The following CDH4 variants were observed in gnomAD, a reference collection of about 807,000 sequenced individuals.
CDH4 encodes cadherin-4.
In CDH4, 33 loss-of-function variants were observed where a neutral mutation model predicts 86.0. The observed-to-expected ratio is 0.38, with a 90% CI of 0.29 to 0.51. The LOEUF is 0.51. Among genes scored for constraint, CDH4 ranks in the 20% least tolerant of loss-of-function variants. The pLI, the probability that CDH4 is intolerant of heterozygous loss-of-function variation, is 0.86. For missense variants in CDH4, 1,114 were observed against 1,307.4 expected, an observed-to-expected ratio of 0.85 and a Z score of 2.28; for synonymous variants, 555 against 549.4, an observed-to-expected ratio of 1.01 and a Z score of -0.14.
At chr20:61,917,652 C>T (rs1162814556) in intron 9 of CDH4, among the ~76,000 whole-genome samples, 1 of 152,166 alleles carries the variant, frequency 6.6e-6, no homozygotes, top group East Asian at 1.9e-4. Flanking sequence ...TGGTCCTGCC[C>T]ACTCCGCCCA....
rs1007246536 is a variant in CDH4 at position 61,684,148 on chromosome 20, C to T, written c.170-59415C>T. On this transcript the variant is annotated intron_variant, in intron 2 of 15. Coordinates refer to ENST00000614565, the MANE Select transcript of CDH4 (RefSeq NM_001794.5). The surrounding 1 kb of genome is among the most constrained non-coding windows in gnomAD (Gnocchi z 4.5). ...AGTGGCATCGGACAAAGCCTCTGCC[C>T]TCTGGATGCCAAACATTCTAGAAAC... Among the ~76,000 whole-genome samples, 1 of 152,220 alleles carries T rather than the reference C, an allele frequency of 6.6e-6. No homozygotes were observed. The highest frequency in any genetic ancestry group is 1.5e-5 in the Non-Finnish European group (1 of 68,046).
chr20:61,450,545 C>T lies in CDH4; in HGVS notation c.169+195608C>T, dbSNP rs142990772. Among the ~76,000 whole-genome samples the T allele has an allele frequency of 5.6e-3, 846 of 152,218 alleles. 12 individuals carry two copies. In the South Asian group the frequency reaches 0.056, roughly 10 times the overall value. On this transcript the variant is annotated intron_variant, in intron 2 of 15. Coordinates refer to ENST00000614565, the MANE Select transcript of CDH4 (RefSeq NM_001794.5). Reference sequence around the variant, plus strand: ...GATTTATTAAGGAAGACTTCAGATGCGAACGGCTGCTTTGATATTGAAATA... The same window carrying T: ...GATTTATTAAGGAAGACTTCAGATGTGAACGGCTGCTTTGATATTGAAATA...
At chr20:61,936,425 C>CCCA (rs1555864139) in intron 15 of CDH4, among the ~76,000 whole-genome samples, 1 of 52,412 alleles carries the variant, frequency 1.9e-5, no homozygotes, top group African/African-American at 8.9e-5. Context: ...CACACCCCCC[C>CCCA]CCCCATCTGC....
At chr20:61,556,376 G>A (rs1400201527) in intron 2 of CDH4, among the ~76,000 whole-genome samples, 1 of 152,148 alleles carries the variant, frequency 6.6e-6, no homozygotes, top group Non-Finnish European at 1.5e-5. Flanking sequence ...GGGGGCAGGG[G>A]TGGAGACGGG....
intron 2 of CDH4, among the ~76,000 whole-genome samples, chr20:61,535,663 C>T (rs1377054683): frequency 1.3e-5 from 2 of 152,200 alleles, no homozygotes; most frequent in African/African-American, 4.8e-5. Flanking sequence ...GCAGAGCATT[C>T]ACCTGGTGCG....
At chr20:61,882,187 G>A (rs1984311839) in intron 7 of CDH4, among the ~76,000 whole-genome samples, 1 of 152,178 alleles carries the variant, frequency 6.6e-6, no homozygotes, top group Non-Finnish European at 1.5e-5. Flanking sequence ...TTGCCGAGAA[G>A]CCTGTGTCTG....
chr20:61,328,106 G>A (rs2084546251), intron 2 of CDH4, among the ~76,000 whole-genome samples: 1 of 152,130 alleles, frequency 6.6e-6, no homozygotes, highest in South Asian at 2.1e-4. Context: ...GAGGATGCAG[G>A]GGGACAAAGA....
chr20:61,846,697 T>C (rs138672316), intron 5 of CDH4, among the ~76,000 whole-genome samples: 153 of 152,302 alleles, frequency 1.0e-3, no homozygotes, highest in African/African-American at 3.6e-3. Flanking sequence ...TTGCCACATC[T>C]AGATGTGGGG....
At position 61,563,722 on chromosome 20, in the gene CDH4, T is replaced by C. The variant is rs545452795; in HGVS notation, c.170-179841T>C. Among the ~76,000 whole-genome samples the C allele has an allele frequency of 2.6e-5, 4 of 152,296 alleles. No homozygotes were observed. In the East Asian group the frequency reaches 5.8e-4, roughly 22 times the overall value. On this transcript the variant is annotated intron_variant, in intron 2 of 15. Transcript: ENST00000614565. ...CAGCTGAAGTGCCTGGCACCCCTCA[T>C]TGGGAACACAGGGACAGCTCACCTT...
chr20:61,377,461 T>G lies in CDH4; in HGVS notation c.169+122524T>G, dbSNP rs139672418. ...CCACCTCCCTGGTGCCTTTCCTGAG[T>G]GTAAAACCCTCCAGCACCAAGACAT... On this transcript the variant is annotated intron_variant, in intron 2 of 15. Coordinates refer to ENST00000614565, the MANE Select transcript of CDH4 (RefSeq NM_001794.5). The surrounding 1 kb of genome is among the most constrained non-coding windows in gnomAD (Gnocchi z 4.0). Among the ~76,000 whole-genome samples, 75 of 152,228 alleles carry G rather than the reference T, an allele frequency of 4.9e-4. 1 individual carries two copies. The East Asian group carries it at 0.014, about 27-fold the overall frequency.
chr20:61,930,211 C>T (rs190414159), intron 13 of CDH4, among the ~76,000 whole-genome samples: 168 of 152,308 alleles, frequency 1.1e-3, no homozygotes, highest in African/African-American at 3.6e-3. Flanking sequence ...TGCCTGTTAG[C>T]GTCCCCATCC....
At position 61,269,228 on chromosome 20, in the gene CDH4, T is replaced by A. The variant is rs914167694; in HGVS notation, c.169+14291T>A. ...CCCTCCTTTCACAGAGTTGGGGTGCTGACATAGGACAGTTTGGCACTGCCA... is the reference window on the plus strand; with the variant it reads ...CCCTCCTTTCACAGAGTTGGGGTGCAGACATAGGACAGTTTGGCACTGCCA... On this transcript the variant is annotated intron_variant, in intron 2 of 15. Coordinates refer to ENST00000614565, the MANE Select transcript of CDH4 (RefSeq NM_001794.5). The surrounding 1 kb of genome is among the most constrained non-coding windows in gnomAD (Gnocchi z 5.3). 6.6e-5 allele frequency among the ~76,000 whole-genome samples: 10 copies of A among 152,150 alleles called. No individual in the cohort carries two copies. Among genetic ancestry groups the A allele is most frequent in the Non-Finnish European group, 1.2e-4 (8 of 68,008 alleles).
chr20:61,885,581 G>A (rs556664119), intron 7 of CDH4, among the ~76,000 whole-genome samples: 8 of 152,176 alleles, frequency 5.3e-5, no homozygotes, highest in Non-Finnish European at 1.0e-4. Context: ...TGTTAATGGC[G>A]CTGCTTTGAA....
At chr20:61,564,810 C>T (rs1283825035) in intron 2 of CDH4, among the ~76,000 whole-genome samples, 2 of 152,144 alleles carry the variant, frequency 1.3e-5, no homozygotes, top group African/African-American at 2.4e-5. Context: ...CATAGCCCTC[C>T]CTCAGGGATT....
At chr20:61,300,469 G>A (rs4810229) in intron 2 of CDH4, among the ~76,000 whole-genome samples, 4,133 of 152,254 alleles carry the variant, frequency 0.027, 83 homozygotes, top group Middle Eastern at 0.041. Flanking sequence ...GAAGAGGACA[G>A]TGCCAGCTCT....
chr20:61,719,201 T>G (rs1228281858), intron 2 of CDH4: 1 of 434,902 alleles, frequency 2.3e-6, no homozygotes, highest in Admixed American at 2.7e-5. Context: ...TTTTTTTTTT[T>G]AAGTCTTGGT....
At chr20:61,564,717 A>G (rs188785985) in intron 2 of CDH4, among the ~76,000 whole-genome samples, 1 of 152,300 alleles carries the variant, frequency 6.6e-6, no homozygotes, top group East Asian at 1.9e-4. Context: ...GAACGGAGTA[A>G]CACATGTAGA....
chr20:61,492,917 T>C (rs2085636309), intron 2 of CDH4, among the ~76,000 whole-genome samples: 2 of 152,112 alleles, frequency 1.3e-5, no homozygotes, highest in South Asian at 4.2e-4. Flanking sequence ...CCATGAAAGA[T>C]GAGGGATGAG....
chr20:61,500,812 C>T (rs2085695553), intron 2 of CDH4, among the ~76,000 whole-genome samples: 1 of 152,194 alleles, frequency 6.6e-6, no homozygotes, highest in South Asian at 2.1e-4. Flanking sequence ...AGCCTCACAG[C>T]CCATCCAGAA....
Sources: allele counts gnomAD v4.1 joint callset (sites outside exome capture counted in the v4.1 genomes callset), GRCh38; gene constraint gnomAD v4.1.1; non-coding constraint Gnocchi (gnomAD v3.1); transcripts MANE v1.5; gene names NCBI Gene and HGNC (gene_info 2026-07-23, HGNC 2026-07-21).